ANO9: variants seen among roughly 807,000 people sequenced by gnomAD.
ANO9 encodes anoctamin-9.
A neutral mutation model predicts 100.5 loss-of-function variants in ANO9; 80 were observed. That is an observed-to-expected ratio of 0.80 (90% CI 0.66 to 0.96). The LOEUF is 0.96. ANO9 is among the 40% of genes least tolerant of loss of function. The pLI, the probability that ANO9 is intolerant of heterozygous loss-of-function variation, is 0.00. For synonymous variants in ANO9, 473 were observed against 435.6 expected (o/e 1.09, Z -1.07); for missense variants, 1,064 against 1,072.7 (o/e 0.99, Z 0.11).
chr11:436,726 AGCTGGGG>A lies in ANO9; in HGVS notation c.7-2635_7-2629del, dbSNP rs1849590486. Among the ~76,000 whole-genome samples the A allele has an allele frequency of 5.2e-5, 2 of 38,286 alleles. 1 individual carries two copies. Among genetic ancestry groups the A allele is most frequent in the African/African-American group, 2.0e-4 (2 of 9,996 alleles). 25.1% of individuals were successfully genotyped at this position (38,286 alleles called of 152,430 possible). ...GTAAGCAGGGGGTGAGCAGGGGGTGAGCTGGGGGTGAGCAGGGGGTGAGCAGGGGGTA... is the reference window on the plus strand; with the variant it reads ...GTAAGCAGGGGGTGAGCAGGGGGTGAGTGAGCAGGGGGTGAGCAGGGGGTA... On this transcript the variant is annotated intron_variant, in intron 1 of 22. Transcript: ENST00000332826.
chr11:433,806 C>T lies in ANO9; in HGVS notation c.204+9G>A. ...CCATGGCCCTGCCCCTCGCTGGGCA[C>T]CCGCCCACCTTAATGTGGAAGCCCT... On this transcript the variant is annotated intron_variant, in intron 3 of 22. Transcript: ENST00000332826. 4 of 1,556,464 alleles carry T rather than the reference C, an allele frequency of 2.6e-6. No individual in the cohort carries two copies. The highest frequency in any genetic ancestry group is 3.5e-6 in the Non-Finnish European group (4 of 1,150,464).
In ANO9 at chr11:419,673, T is replaced by A; in HGVS notation, c.1843A>T (p.Met615Leu). 2.5e-5 allele frequency: 41 copies of A among 1,613,406 alleles called. No individual in the cohort carries two copies. Among genetic ancestry groups the A allele is most frequent in the Non-Finnish European group, 3.4e-5 (40 of 1,179,848 alleles). The change falls in exon 20 of 23, where the codon ATG (methionine) becomes TTG (leucine). Residue 615 changes from methionine to leucine, a missense_variant. Transcript: ENST00000332826. Reference protein sequence around the residue: ...IGVLAVIANGMVIAFTSEFIP... With the variant: ...IGVLAVIANGLVIAFTSEFIP... ...AACTCAGATGTGAAGGCAATGACCA[T>A]CCCATTGGCAATGACCGCCAGCACA...
At chr11:427,367 G>A (rs1212638664) in intron 15 of ANO9, among the ~76,000 whole-genome samples, 1 of 151,994 alleles carries the variant, frequency 6.6e-6, no homozygotes, top group Non-Finnish European at 1.5e-5. Context: ...AAGTAAAGCT[G>A]CAGCCAGCAT....
chr11:420,161 G>A, intron 19 of ANO9: 1 of 1,364,396 alleles, frequency 7.3e-7, no homozygotes, highest in Non-Finnish European at 9.5e-7. Context: ...TGGGACAGAG[G>A]CCGGCTGCTC....
chr11:435,888 GGTATAGTCTA>G (rs1485428242), intron 1 of ANO9, among the ~76,000 whole-genome samples: 2 of 145,266 alleles, frequency 1.4e-5, no homozygotes, highest in African/African-American at 5.2e-5. Flanking sequence ...AGCATAATAT[GGTATAGTCTA>G]GTATGGTCTA....
intron 3 of ANO9, 128 bp from the exon 4 acceptor site, chr11:433,587 A>G (rs1362802020): frequency 1.1e-5 from 15 of 1,389,452 alleles, no homozygotes; most frequent in Non-Finnish European, 1.4e-5. Context: ...CCCTCCCTTC[A>G]TCTGCCGCTG....
chr11:418,934 G>A lies in ANO9; in HGVS notation c.1990C>T (p.Gln664Ter). 1 of 1,613,698 alleles carries A rather than the reference G, an allele frequency of 6.2e-7. No individual in the cohort carries two copies. Among genetic ancestry groups the A allele is most frequent in the Non-Finnish European group, 8.5e-7 (1 of 1,179,994 alleles). ...GAGCCCTCAATCCCATCAGGGTCCT[G>A]GAAGTCCTTGGTGTGGAAGACGGAC... The part of the protein sequence containing the change: ...SLSVFHTKDF[Q>*]DPDGIEGSEN... Residue 664 changes from glutamine to a stop codon, truncating the protein, a stop_gained, in exon 21 of 23, where the codon CAG (glutamine) becomes TAG (stop). Transcript: ENST00000332826. LOFTEE classifies it high-confidence loss of function.
Position 420,491 on chromosome 11 carries a change from G to A in ANO9, c.1758C>T (p.Arg586=). Reference sequence around the variant, plus strand: ...TGTCCTTGGCCTTGCGCGGCACCAGGCGCCGCTGCAACCAGACCATCTTGA... The same window carrying A: ...TGTCCTTGGCCTTGCGCGGCACCAGACGCCGCTGCAACCAGACCATCTTGA... ...DAIKMVWLQR[R]LVPRKAKDIG... is the part of the protein sequence containing the mutation. The change falls in exon 19 of 23, where the codon CGC becomes CGT. Residue 586 remains arginine (R), a synonymous_variant. Coordinates refer to ENST00000332826, the MANE Select transcript of ANO9 (RefSeq NM_001012302.3). The A allele has an allele frequency of 6.2e-7, 1 of 1,603,862 alleles. No individual in the cohort carries two copies. The highest frequency in any genetic ancestry group is 8.5e-7 in the Non-Finnish European group (1 of 1,179,544).
At chr11:435,528 A>AGTCTAGTATG (rs1849418414) in intron 1 of ANO9, among the ~76,000 whole-genome samples, 13 of 146,942 alleles carry the variant, frequency 8.8e-5, no homozygotes, top group Non-Finnish European at 1.7e-4. Context: ...AGTATGGTCT[A>AGTCTAGTATG]GTCTAGTCTA....
chr11:425,824 C>T (rs1476162620), intron 15 of ANO9, among the ~76,000 whole-genome samples: 6 of 151,992 alleles, frequency 3.9e-5, no homozygotes, highest in East Asian at 1.9e-4. Context: ...CTCTGCCTCC[C>T]GGGTTCACAC....
Position 421,091 on chromosome 11 carries a change from C to G in ANO9, c.1393-49G>C. 6.3e-7 allele frequency: 1 copy of G among 1,580,876 alleles called. No individual in the cohort carries two copies. Among genetic ancestry groups the G allele is most frequent in the Non-Finnish European group, 8.6e-7 (1 of 1,157,174 alleles). On this transcript the variant is annotated intron_variant, in intron 16 of 22. Transcript: ENST00000332826. This position sits in a 1 kb window ranked among gnomAD's most constrained non-coding sequence, Gnocchi z 6.8. Reference sequence around the variant, plus strand: ...TCAGGGAGGGGTCCTGGGGGACGGTCAGGGGAGCAGTGGCTCAGGGACAGG... The same window carrying G: ...TCAGGGAGGGGTCCTGGGGGACGGTGAGGGGAGCAGTGGCTCAGGGACAGG...
chr11:433,849 A>G lies in ANO9; in HGVS notation c.170T>C (p.Leu57Pro). The G allele has an allele frequency of 6.4e-7, 1 of 1,563,310 alleles. No individual in the cohort carries two copies. The highest frequency in any genetic ancestry group is 8.7e-7 in the Non-Finnish European group (1 of 1,154,128). The change falls in exon 3 of 23, where the codon CTG becomes CCG. Residue 57 changes from leucine (L) to proline (P), a missense_variant. Transcript: ENST00000332826. ...DPRQARQQQF[L>P]EELRRKGFHI... is the part of the protein sequence containing the mutation. ...GAAGCCCTTTCTCCTGAGCTCCTCC[A>G]GGAACTGTTGCTGCCGCGCCTGCCG...
intron 1 of ANO9, among the ~76,000 whole-genome samples, chr11:435,858 AGT>A (rs1849486233): frequency 2.7e-5 from 4 of 150,886 alleles, no homozygotes; most frequent in Non-Finnish European, 5.9e-5. Flanking sequence ...AGTCTAGTCT[AGT>A]CTAGTATAGC....
chr11:435,465 T>C (rs1849402192), intron 1 of ANO9, among the ~76,000 whole-genome samples: 1 of 151,596 alleles, frequency 6.6e-6, no homozygotes. Context: ...GATAGCATAG[T>C]ATAGCATAGC....
rs146898896 is a variant in ANO9, at chr11:419,635, C to A, written c.1881G>T (p.Val627=). The A allele has an allele frequency of 6.2e-7, 1 of 1,613,578 alleles. No individual in the cohort carries two copies. ...IAFTSEFIPR[V]VYKYRYSPCL... is the part of the protein sequence containing the mutation. ...ATGGGCTATAGCGGTACTTGTAGACCACTCGGGGGATGAACTCAGATGTGA... is the reference window on the plus strand; with the variant it reads ...ATGGGCTATAGCGGTACTTGTAGACAACTCGGGGGATGAACTCAGATGTGA... Residue 627 remains valine, a synonymous_variant, in exon 20 of 23, where the codon GTG becomes GTT. Transcript: ENST00000332826.
chr11:420,444 T>A lies in ANO9; in HGVS notation c.1786+19A>T. 1 of 1,598,078 alleles carries A rather than the reference T, an allele frequency of 6.3e-7. No homozygotes were observed. Among genetic ancestry groups the A allele is most frequent in the Non-Finnish European group, 8.5e-7 (1 of 1,178,432 alleles). ...GAGGCCGCCCAGTTCCCGCCCATCC[T>A]GCGCCCGCCCGGTCTGACCGATGTC... is the stretch of plus-strand genomic sequence containing the variant. On this transcript the variant is annotated intron_variant, in intron 19 of 22. Coordinates refer to ENST00000332826, the MANE Select transcript of ANO9 (RefSeq NM_001012302.3).
In ANO9 at chr11:419,513, G is replaced by A. The variant is rs576686669; in HGVS notation, c.1934+69C>T. On this transcript the variant is annotated intron_variant, in intron 20 of 22. Transcript: ENST00000332826. ...AGCCATTCCCAGGAGAAAGGGTCTG[G>A]ATCCCCCAGGGCTTGGCTGTGGTAG... 210 of 1,571,626 alleles carry A rather than the reference G, an allele frequency of 1.3e-4. No individual in the cohort carries two copies. In the African/African-American group the frequency reaches 2.7e-3, roughly 20 times the overall value.
chr11:440,068 G>T (rs1425922378), intron 1 of ANO9, among the ~76,000 whole-genome samples: 2 of 150,116 alleles, frequency 1.3e-5, no homozygotes, highest in Non-Finnish European at 3.0e-5. Context: ...GAAAGAACAT[G>T]TGTGGGCACG....
At chr11:419,297 C>A in intron 20 of ANO9, 1 of 1,409,248 alleles carries the variant, frequency 7.1e-7, no homozygotes, top group Non-Finnish European at 9.2e-7. Context: ...ACATGCGGAA[C>A]CTCACATCGG....
Sources: gnomAD v4.1 joint callset for allele counts (sites outside exome capture counted in the v4.1 genomes callset) on GRCh38, gnomAD v4.1.1 for gene constraint, Gnocchi (gnomAD v3.1) non-coding constraint, MANE v1.5 for transcripts, NCBI Gene and HGNC (gene_info 2026-07-23, HGNC 2026-07-21) for gene names.